WDR27: variants seen among roughly 807,000 people sequenced by gnomAD.
WDR27 encodes the protein WD repeat-containing protein 27.
Under a neutral mutation model 114.4 loss-of-function variants are expected in WDR27, and 100 were observed. The observed-to-expected ratio is 0.87, with a 90% CI of 0.74 to 1.03. The LOEUF (loss-of-function observed/expected upper bound fraction) is 1.03. Among genes scored for constraint, WDR27 ranks in the 50% least tolerant of loss-of-function variants. WDR27 has a pLI of 0.00. For synonymous variants in WDR27, 449 were observed against 423.1 expected, an observed-to-expected ratio of 1.06 and a Z score of -0.75; for missense variants, 1,129 against 1,092.9, an observed-to-expected ratio of 1.03 and a Z score of -0.47.
downstream of WDR27, among the ~76,000 whole-genome samples, chr6:169,456,412 T>C (rs1784347773): frequency 6.6e-6 from 1 of 152,108 alleles, no homozygotes; most frequent in African/African-American, 2.4e-5. The surrounding 1 kb of genome is among the most constrained non-coding windows in gnomAD (Gnocchi z 4.0). Context: ...CCCAGCTCCC[T>C]GGTTTCACGG....
intron 25 of WDR27, among the ~76,000 whole-genome samples, chr6:169,525,237 G>A (rs189793293): frequency 6.2e-4 from 95 of 152,018 alleles, no homozygotes; most frequent in Admixed American, 1.6e-3. Flanking sequence ...ATTTCACCCC[G>A]GTTAAAATGC....
chr6:169,427,158 C>A, the WDR27 span: 2 of 152,352 alleles, frequency 1.3e-5, no homozygotes, highest in African/African-American at 4.8e-5. Flanking sequence ...GAGCAGAGTC[C>A]AGGCTTTGCA....
intron 25 of WDR27, among the ~76,000 whole-genome samples, chr6:169,484,373 C>T (rs891471020): frequency 6.6e-6 from 1 of 152,196 alleles, no homozygotes; most frequent in Non-Finnish European, 1.5e-5. Context: ...CATTCTTACA[C>T]ACCAACAGCC....
At chr6:169,429,505 C>A in the WDR27 span, among the ~76,000 whole-genome samples, 7 of 147,170 alleles carry the variant, frequency 4.8e-5, no homozygotes, top group Non-Finnish European at 8.9e-5. Flanking sequence ...TTCTGATTGT[C>A]TGGAATCTAG....
chr6:169,658,516 T>A (rs1288815927), intron 12 of WDR27, among the ~76,000 whole-genome samples, 158 bp from the exon 13 acceptor site: 4 of 152,146 alleles, frequency 2.6e-5, no homozygotes, highest in Admixed American at 2.6e-4. Context: ...TGTATTCTTA[T>A]CCTTGTAGGA....
Position 169,582,905 on chromosome 6 carries a change from C to T in WDR27, c.2454G>A (p.Thr818=), listed in dbSNP as rs1341646599. The change falls in exon 24 of 26, where the codon ACG becomes ACA. Residue 818 remains threonine, a synonymous_variant. Coordinates refer to ENST00000448612, the MANE Select transcript of WDR27 (RefSeq NM_182552.5). ...HAYVYEMGSS[T]FSHRLAGHTD... ...TGTGCCCAGCCAGCCGGTGAGAAAACGTGCTTGAGCCCATTTCATACACGT... is the reference window on the plus strand; with the variant it reads ...TGTGCCCAGCCAGCCGGTGAGAAAATGTGCTTGAGCCCATTTCATACACGT... The T allele has an allele frequency of 1.2e-6, 2 of 1,613,912 alleles. No homozygotes were observed. Among genetic ancestry groups the T allele is most frequent in the Non-Finnish European group, 1.7e-6 (2 of 1,179,888 alleles).
At chr6:169,670,914 C>A in intron 3 of WDR27, 1 of 531,942 alleles carries the variant, frequency 1.9e-6, no homozygotes, top group South Asian at 3.0e-5. Context: ...GAGACTCTCT[C>A]AGCATCGAAA....
At chr6:169,606,131 C>T (rs888112841) in intron 22 of WDR27, among the ~76,000 whole-genome samples, 10 of 152,096 alleles carry the variant, frequency 6.6e-5, no homozygotes, top group Non-Finnish European at 1.2e-4. Flanking sequence ...CAAAAATACT[C>T]TGCACAGCAA....
At chr6:169,652,066 G>C in intron 13 of WDR27, 58 bp from the exon 14 acceptor site, 1 of 1,438,486 alleles carries the variant, frequency 7.0e-7, no homozygotes. Context: ...TCTCATGATG[G>C]ACATGAGAAG....
At chr6:169,632,392 G>A (rs935880393) in intron 21 of WDR27, among the ~76,000 whole-genome samples, 3 of 152,126 alleles carry the variant, frequency 2.0e-5, no homozygotes, top group African/African-American at 7.2e-5. Flanking sequence ...TTAGTCCTAA[G>A]AAATACAGTT....
At chr6:169,646,611 G>A (rs980183855) in intron 16 of WDR27, among the ~76,000 whole-genome samples, 1 of 152,088 alleles carries the variant, frequency 6.6e-6, no homozygotes, top group African/African-American at 2.4e-5. Context: ...AGCCAGGCAT[G>A]GTGGTGCACA....
chr6:169,699,321 T>C (rs1353981462), intron 1 of WDR27, among the ~76,000 whole-genome samples: 1 of 152,096 alleles, frequency 6.6e-6, no homozygotes, highest in African/African-American at 2.4e-5. Flanking sequence ...AGATCTGACC[T>C]AGGATGGCTA....
chr6:169,486,153 G>T lies in WDR27; in HGVS notation c.2646-28519C>A, dbSNP rs552008088. The stretch of plus-strand genomic sequence containing the variant: ...CACATGTACCCCTGAACTTAAAAAG[G>T]TTTTTTTTTTTTGTAAGAAAAATAC... On this transcript the variant is annotated intron_variant, in intron 25 of 25. Transcript: ENST00000448612. Among the ~76,000 whole-genome samples, 978 of 144,678 alleles carry T rather than the reference G, an allele frequency of 6.8e-3. 10 individuals carry two copies. The highest frequency in any genetic ancestry group is 0.022 in the African/African-American group (864 of 39,752). The allele number at this position is 144,678 out of a possible 152,430, so 94.9% of individuals were successfully genotyped here. A position where few individuals can be genotyped will look rare whatever the true frequency, so the allele number is the denominator to read the frequency against.
chr6:169,611,477 C>T (rs747353937), intron 22 of WDR27, among the ~76,000 whole-genome samples: 5 of 151,552 alleles, frequency 3.3e-5, no homozygotes, highest in Admixed American at 6.6e-5. Flanking sequence ...GGATAATTAT[C>T]GTATTTTTAG....
At chr6:169,628,888 G>A (rs1815581333) in intron 21 of WDR27, among the ~76,000 whole-genome samples, 1 of 151,706 alleles carries the variant, frequency 6.6e-6, no homozygotes, top group Admixed American at 6.6e-5. Flanking sequence ...GTAGTTGCAT[G>A]TGGAACGTAA....
chr6:169,549,920 G>T (rs981079411), intron 25 of WDR27, among the ~76,000 whole-genome samples: 15 of 152,178 alleles, frequency 9.9e-5, no homozygotes, highest in African/African-American at 3.6e-4. Context: ...ACTACAGTAT[G>T]TAGAGAACAT....
In WDR27 at chr6:169,636,377, A is replaced by G. The variant is rs1817662756; in HGVS notation, c.1997T>C (p.Ile666Thr). Residue 666 changes from isoleucine to threonine, a missense_variant, in exon 19 of 26, where the codon ATT (isoleucine) becomes ACT (threonine). Transcript: ENST00000448612. ...RYHIDTCKDE[I>T]KRYKQKSKSK... ...CAGGGCGGGGGGTGCCTACCTCTTA[A>G]TCTCATCTTTGCAAGTGTCAATGTG... is the stretch of plus-strand genomic sequence containing the variant. 8.1e-6 allele frequency: 13 copies of G among 1,613,630 alleles called. No individual in the cohort carries two copies. Among genetic ancestry groups the G allele is most frequent in the South Asian group, 4.4e-5 (4 of 91,006 alleles).
chr6:169,610,070 G>A (rs940397691), intron 22 of WDR27, among the ~76,000 whole-genome samples: 1 of 152,110 alleles, frequency 6.6e-6, no homozygotes, highest in Non-Finnish European at 1.5e-5. Flanking sequence ...GACCACCTCA[G>A]CCTGAACCTT....
downstream of WDR27, among the ~76,000 whole-genome samples, chr6:169,456,989 C>T (rs945000015): frequency 1.3e-4 from 19 of 149,598 alleles, no homozygotes; most frequent in African/African-American, 7.4e-5. The surrounding 1 kb of genome is among the most constrained non-coding windows in gnomAD (Gnocchi z 4.0). Flanking sequence ...ATGCTCGGCA[C>T]GTGGAACCCA....
Sources: gnomAD v4.1 joint callset for allele counts (sites outside exome capture counted in the v4.1 genomes callset) on GRCh38, gnomAD v4.1.1 for gene constraint, Gnocchi (gnomAD v3.1) non-coding constraint, MANE v1.5 for transcripts, NCBI Gene and HGNC (gene_info 2026-07-23, HGNC 2026-07-21) for gene names.